Variants in KIF16B observed in about 807,000 individuals in gnomAD.
KIF16B encodes the protein kinesin-like protein KIF16B.
Under a neutral mutation model 156.3 loss-of-function variants are expected in KIF16B, and 98 were observed. The ratio of observed to expected loss-of-function variants is 0.63; its 90% CI spans 0.53 to 0.74. The LOEUF (loss-of-function observed/expected upper bound fraction) is 0.74. Ranked by LOEUF, KIF16B falls within the 30% of genes least tolerant of loss-of-function variation. The pLI is 0.00. For synonymous variants in KIF16B, 564 were observed against 583.7 expected (o/e 0.97, Z 0.49); for missense variants, 1,421 against 1,606.5 (o/e 0.88, Z 1.97).
intron 12 of KIF16B, among the ~76,000 whole-genome samples, chr20:16,430,849 G>GTGTGTATATGTATATGTATATA (rs1555883017): frequency 3.4e-5 from 5 of 147,206 alleles, no homozygotes; most frequent in African/African-American, 1.2e-4. Flanking sequence ...GTGTGTGTAT[G>GTGTGTATATGTATATGTATATA]TATATATATA....
intron 22 of KIF16B, among the ~76,000 whole-genome samples, chr20:16,363,457 C>T (rs1472866959): frequency 6.6e-6 from 1 of 152,192 alleles, no homozygotes; most frequent in African/African-American, 2.4e-5. Context: ...GGAACCTTGA[C>T]ATAATACATC....
At chr20:16,496,294 T>C (rs2146948124) in intron 11 of KIF16B, among the ~76,000 whole-genome samples, 1 of 152,360 alleles carries the variant, frequency 6.6e-6, no homozygotes, top group South Asian at 2.1e-4. Flanking sequence ...TAAATGATTC[T>C]GCATTTCACC....
At chr20:16,279,362 A>T (rs1266831872) in intron 25 of KIF16B, among the ~76,000 whole-genome samples, 1 of 152,108 alleles carries the variant, frequency 6.6e-6, no homozygotes, top group Non-Finnish European at 1.5e-5. Flanking sequence ...CATTTTCAAG[A>T]GTTTGAGAAA....
chr20:16,324,696 C>A (rs772594598), intron 24 of KIF16B, among the ~76,000 whole-genome samples: 2 of 151,954 alleles, frequency 1.3e-5, no homozygotes, highest in Admixed American at 1.3e-4. Context: ...AAAATCAACC[C>A]GCAGCTGAAT....
intron 23 of KIF16B, 36 bp from the exon 24 acceptor site, chr20:16,336,051 A>G: frequency 3.2e-6 from 4 of 1,253,806 alleles, no homozygotes; most frequent in Non-Finnish European, 4.5e-6. Flanking sequence ...ATAAGCATTA[A>G]GAAGCAAAAG....
intron 23 of KIF16B, among the ~76,000 whole-genome samples, chr20:16,351,496 T>C (rs1282565026): frequency 1.3e-5 from 2 of 152,238 alleles, no homozygotes; most frequent in South Asian, 4.1e-4. Flanking sequence ...ACTGCTGTCA[T>C]CCGGTTAATG....
chr20:16,325,281 C>T (rs1348683655), intron 24 of KIF16B, among the ~76,000 whole-genome samples: 2 of 151,884 alleles, frequency 1.3e-5, no homozygotes, highest in Non-Finnish European at 2.9e-5. Flanking sequence ...TTCTATTCAG[C>T]ATAGTACTAG....
At chr20:16,525,345 G>A (rs1320031997) in intron 3 of KIF16B, among the ~76,000 whole-genome samples, 2 of 152,128 alleles carry the variant, frequency 1.3e-5, no homozygotes, top group Non-Finnish European at 2.9e-5. Flanking sequence ...GCCAGGAAGA[G>A]GCCCAGCAAT....
At chr20:16,365,862 C>T (rs1197516123) in intron 22 of KIF16B, among the ~76,000 whole-genome samples, 1 of 152,130 alleles carries the variant, frequency 6.6e-6, no homozygotes, top group African/African-American at 2.4e-5. Context: ...CTGCATCCAA[C>T]GTCCACTGAG....
intron 1 of KIF16B, among the ~76,000 whole-genome samples, chr20:16,549,310 G>A (rs1376457700): frequency 2.0e-5 from 3 of 151,546 alleles, no homozygotes; most frequent in African/African-American, 7.3e-5. Flanking sequence ...TCGATCTTGC[G>A]ATAGTTTACT....
chr20:16,523,252 T>C (rs542867868), intron 3 of KIF16B, among the ~76,000 whole-genome samples: 86 of 152,286 alleles, frequency 5.6e-4, no homozygotes, highest in African/African-American at 1.9e-3. Context: ...ATTGTCTCTG[T>C]TTCACATGAC....
intron 25 of KIF16B, among the ~76,000 whole-genome samples, chr20:16,300,431 T>C (rs1353140877): frequency 2.0e-5 from 3 of 152,200 alleles, no homozygotes; most frequent in Non-Finnish European, 4.4e-5. Flanking sequence ...AAATGATTAA[T>C]AGTGTCAAAT....
intron 20 of KIF16B, among the ~76,000 whole-genome samples, chr20:16,373,688 A>G (rs1452757170): frequency 6.6e-6 from 1 of 152,180 alleles, no homozygotes; most frequent in Non-Finnish European, 1.5e-5. Flanking sequence ...GTTTTTGTCA[A>G]CCTGGCCTTG....
At chr20:16,456,048 G>A (rs1017313215) in intron 12 of KIF16B, among the ~76,000 whole-genome samples, 18 of 151,516 alleles carry the variant, frequency 1.2e-4, no homozygotes, top group East Asian at 5.8e-4. Context: ...CCTTCAATAC[G>A]GTATTTTTCC....
chr20:16,382,685 G>GT (rs1385473168), intron 17 of KIF16B, among the ~76,000 whole-genome samples: 1 of 152,118 alleles, frequency 6.6e-6, no homozygotes, highest in African/African-American at 2.4e-5. Context: ...AGCAGAAACT[G>GT]TATTTCTTTT....
chr20:16,459,428 T>C (rs2067289554), intron 12 of KIF16B, among the ~76,000 whole-genome samples: 1 of 152,204 alleles, frequency 6.6e-6, no homozygotes, highest in East Asian at 1.9e-4. Context: ...AATGTAATTA[T>C]ATTCAAGGGC....
chr20:16,324,491 G>C (rs2063815141), intron 24 of KIF16B, among the ~76,000 whole-genome samples: 1 of 152,032 alleles, frequency 6.6e-6, no homozygotes, highest in Admixed American at 6.6e-5. Context: ...TGTGCAAACA[G>C]TTCCAAGCTC....
rs753603688 is a variant in KIF16B, at chr20:16,508,103, G to A, written c.557-3C>T. 6.2e-7 allele frequency: 1 copy of A among 1,612,656 alleles called. No homozygotes were observed. The highest frequency in any genetic ancestry group is 1.7e-5 in the Admixed American group (1 of 59,694). ...CTGTACTAAATGTTTGGATAAATCT[G>A]AAAAAGAAAATGGAAGGGGTGAAGA... On this transcript the variant is annotated splice_region_variant and splice_polypyrimidine_tract_variant and intron_variant, in intron 6 of 25. Transcript: ENST00000354981.
intron 12 of KIF16B, among the ~76,000 whole-genome samples, chr20:16,480,758 T>A (rs571949726): frequency 2.0e-5 from 3 of 152,186 alleles, no homozygotes; most frequent in Non-Finnish European, 2.9e-5. Flanking sequence ...GCATATACCA[T>A]CTCTTCACAC....
Sources: allele counts gnomAD v4.1 joint callset (sites outside exome capture counted in the v4.1 genomes callset), GRCh38; gene constraint gnomAD v4.1.1; transcripts MANE v1.5; gene names NCBI Gene and HGNC (gene_info 2026-07-23, HGNC 2026-07-21).